The following HBS1L variants were observed in gnomAD, a reference collection of about 807,000 sequenced individuals.
HBS1L encodes HBS1 like translational GTPase, also known as HBS1-like protein.
A neutral mutation model predicts 88.9 loss-of-function variants in HBS1L; 55 were observed. The observed-to-expected ratio is 0.62, with a 90% CI of 0.50 to 0.77. The LOEUF (loss-of-function observed/expected upper bound fraction) is 0.77, where lower values mean the gene tolerates loss of function less well. Among genes scored for constraint, HBS1L ranks in the 30% least tolerant of loss-of-function variants. The pLI is 0.00. For missense variants in HBS1L, 741 were observed against 829.3 expected, an observed-to-expected ratio of 0.89 and a Z score of 1.31; for synonymous variants, 267 against 288.5, an observed-to-expected ratio of 0.93 and a Z score of 0.76.
chr6:135,012,454 T>A (rs1775803116), intron 4 of HBS1L, among the ~76,000 whole-genome samples: 1 of 152,184 alleles, frequency 6.6e-6, no homozygotes, highest in Non-Finnish European at 1.5e-5. Flanking sequence ...ATATTATTTT[T>A]ATAATAAAAA....
At chr6:134,966,606 T>A in intron 16 of HBS1L, 133 bp from the exon 17 acceptor site, 1 of 588,242 alleles carries the variant, frequency 1.7e-6, no homozygotes, top group South Asian at 3.1e-5. Context: ...AAAAATATTT[T>A]TTGAATGAAA....
In HBS1L at chr6:135,049,840, G is replaced by A. The variant is rs561407106; in HGVS notation, c.109+742C>T. Among the ~76,000 whole-genome samples the A allele has an allele frequency of 2.1e-4, 32 of 152,340 alleles. No homozygotes were observed. The South Asian group carries it at 4.8e-3, about 23-fold the overall frequency. ...ACCTGCCTCGGCCTCCCAGAGTGCC[G>A]GGATTACAGGCGTGAGCCATCGTAC... On this transcript the variant is annotated intron_variant, in intron 2 of 17. Transcript: ENST00000367837.
chr6:135,036,435 C>T (rs1776550997), intron 4 of HBS1L: 1 of 1,357,108 alleles, frequency 7.4e-7, no homozygotes, highest in Middle Eastern at 2.4e-4. Flanking sequence ...ATCAACTAAT[C>T]AACTGACCTA....
At chr6:134,982,962 A>G (rs975428702) in intron 12 of HBS1L, 1 of 153,270 alleles carries the variant, frequency 6.5e-6, no homozygotes, top group Non-Finnish European at 1.5e-5. Flanking sequence ...AATATACAAT[A>G]GAAACACAAA....
chr6:135,014,731 T>C (rs1376588943), intron 4 of HBS1L, among the ~76,000 whole-genome samples: 1 of 150,950 alleles, frequency 6.6e-6, no homozygotes, highest in East Asian at 2.0e-4. Context: ...GACATACAGA[T>C]AGAGGCCGGC....
intron 4 of HBS1L, chr6:135,036,154 A>C: frequency 1.3e-6 from 1 of 774,592 alleles, no homozygotes; most frequent in African/African-American, 1.9e-5. Context: ...CCACATAAGA[A>C]TAATCTTCAC....
chr6:135,036,326 C>G (rs2114892938), intron 4 of HBS1L: 1 of 1,107,476 alleles, frequency 9.0e-7, no homozygotes. Context: ...TCCATATCCA[C>G]TTTGTAAACA....
At chr6:135,016,214 A>G (rs189794741) in intron 4 of HBS1L, among the ~76,000 whole-genome samples, 36 of 152,144 alleles carry the variant, frequency 2.4e-4, no homozygotes, top group African/African-American at 8.0e-4. Context: ...CTTTGTCCAG[A>G]TCACGATTTT....
intron 1 of HBS1L, 124 bp from the exon 2 acceptor site, chr6:135,050,771 T>C (rs1307931719): frequency 6.4e-6 from 4 of 625,594 alleles, no homozygotes; most frequent in African/African-American, 5.6e-5. Flanking sequence ...GATCCTAGAA[T>C]GTCTATTTTC....
chr6:135,038,832 TAAAAC>T (rs1349482557), intron 4 of HBS1L, among the ~76,000 whole-genome samples: 1 of 152,144 alleles, frequency 6.6e-6, no homozygotes, highest in African/African-American at 2.4e-5. Context: ...TATTTTTAAA[TAAAAC>T]AAAATTATAC....
intron 2 of HBS1L, among the ~76,000 whole-genome samples, chr6:135,044,795 G>A (rs1203949508): frequency 3.3e-5 from 5 of 152,106 alleles, no homozygotes. Context: ...CATGAACTAG[G>A]AGGGAGAAAC....
chr6:135,052,473 G>A (rs1777116538), intron 1 of HBS1L, among the ~76,000 whole-genome samples: 1 of 151,868 alleles, frequency 6.6e-6, no homozygotes, highest in East Asian at 1.9e-4. Flanking sequence ...TCGGGAGGCT[G>A]AGGCACGAGG....
At chr6:135,006,732 G>A (rs1341596123) in intron 4 of HBS1L, among the ~76,000 whole-genome samples, 2 of 152,134 alleles carry the variant, frequency 1.3e-5, no homozygotes, top group Non-Finnish European at 2.9e-5. Context: ...AGCAAAAGTG[G>A]AGGGGAGTGA....
At chr6:135,036,190 TGGC>T (rs1318256754) in intron 4 of HBS1L, 1 of 891,916 alleles carries the variant, frequency 1.1e-6, no homozygotes, top group Non-Finnish European at 1.3e-6. Flanking sequence ...TCCCAAGTGC[TGGC>T]ATTTTCGTTT....
chr6:135,037,007 G>A (rs777292804), intron 4 of HBS1L: 14 of 1,551,370 alleles, frequency 9.0e-6, no homozygotes, highest in Non-Finnish European at 1.2e-5. Context: ...TCTATTCCAG[G>A]AGACCTCACT....
intron 4 of HBS1L, among the ~76,000 whole-genome samples, chr6:135,039,368 CA>C (rs1275059962): frequency 6.6e-6 from 1 of 151,826 alleles, no homozygotes; most frequent in African/African-American, 2.4e-5. Flanking sequence ...AAAATAACCA[CA>C]AAAACAGGCT....
chr6:134,967,897 T>C (rs1204095728), intron 16 of HBS1L, among the ~76,000 whole-genome samples: 1 of 152,222 alleles, frequency 6.6e-6, no homozygotes, highest in African/African-American at 2.4e-5. Flanking sequence ...GTCATATAGT[T>C]ATATCGTGTT....
intron 17 of HBS1L, 78 bp from the exon 18 acceptor site, chr6:134,965,368 G>A (rs569539618): frequency 1.9e-5 from 18 of 935,340 alleles, no homozygotes; most frequent in East Asian, 1.2e-4. Flanking sequence ...GGAAAATTAT[G>A]GTGAAAGAAT....
chr6:134,982,591 C>A, intron 12 of HBS1L, 29 bp from the exon 13 acceptor site: 1 of 1,288,346 alleles, frequency 7.8e-7, no homozygotes, highest in South Asian at 1.2e-5. Context: ...TCTTATGGTT[C>A]ATACAGCAAT....
Sources: gnomAD v4.1 joint callset for allele counts (sites outside exome capture counted in the v4.1 genomes callset) on GRCh38, gnomAD v4.1.1 for gene constraint, MANE v1.5 for transcripts, NCBI Gene and HGNC (gene_info 2026-07-23, HGNC 2026-07-21) for gene names.